Variants in CAP2 observed in about 807,000 individuals in gnomAD.
CAP2 encodes cyclase associated actin cytoskeleton regulatory protein 2, also known as adenylyl cyclase-associated protein 2.
A neutral mutation model predicts 57.7 loss-of-function variants in CAP2; 24 were observed. The observed-to-expected ratio is 0.42, with a 90% confidence interval of 0.30 to 0.58. The LOEUF (loss-of-function observed/expected upper bound fraction) is 0.58. Ranked by LOEUF, CAP2 falls within the 20% of genes least tolerant of loss-of-function variation. The pLI, the probability that CAP2 is intolerant of heterozygous loss-of-function variation, is 0.22. For missense variants in CAP2, 501 were observed against 590.3 expected, an observed-to-expected ratio of 0.85 and a Z score of 1.57; for synonymous variants, 194 against 207.2, an observed-to-expected ratio of 0.94 and a Z score of 0.55.
At chr6:17,438,849 A>C (rs1365243432) in intron 3 of CAP2, among the ~76,000 whole-genome samples, 2 of 149,358 alleles carry the variant, frequency 1.3e-5, no homozygotes, top group African/African-American at 2.5e-5. Context: ...GCGGTGGCTC[A>C]CGCCTATAAT....
In CAP2 at chr6:17,461,191, A is replaced by C. The variant is rs536111564; in HGVS notation, c.223-1805A>C. On this transcript the variant is annotated intron_variant, in intron 3 of 12. Transcript: ENST00000229922. ...AAAAGAAAAACAAACAAAACAACAAAAAAAAAAACCCTGTAATCTTTGAAA... is the reference window on the plus strand; with the variant it reads ...AAAAGAAAAACAAACAAAACAACAACAAAAAAAACCCTGTAATCTTTGAAA... 2.2e-3 allele frequency among the ~76,000 whole-genome samples: 266 copies of C among 118,698 alleles called. 1 individual carries two copies. Among genetic ancestry groups the C allele is most frequent in the South Asian group, 0.014 (66 of 4,696 alleles). 77.9% of individuals were successfully genotyped at this position (118,698 alleles called of 152,430 possible).
At chr6:17,502,475 T>C (rs550944880) in intron 4 of CAP2, among the ~76,000 whole-genome samples, 1 of 152,286 alleles carries the variant, frequency 6.6e-6, no homozygotes, top group South Asian at 2.1e-4. Context: ...ATTAGAGTTG[T>C]GCAAATAGCT....
intron 12 of CAP2, among the ~76,000 whole-genome samples, chr6:17,555,015 C>T (rs189966831): frequency 2.0e-5 from 3 of 152,254 alleles, no homozygotes; most frequent in Admixed American, 1.3e-4. Flanking sequence ...ACCCTAGGCT[C>T]ATTTTTACAA....
At chr6:17,397,671 G>A (rs1352247900) in intron 1 of CAP2, among the ~76,000 whole-genome samples, 3 of 146,996 alleles carry the variant, frequency 2.0e-5, no homozygotes, top group Non-Finnish European at 4.5e-5. Context: ...CTCCAGCCTG[G>A]GCGACAGAGC....
At chr6:17,478,135 C>T (rs1240820368) in intron 4 of CAP2, among the ~76,000 whole-genome samples, 2 of 150,796 alleles carry the variant, frequency 1.3e-5, no homozygotes, top group East Asian at 1.9e-4. Context: ...AATGACCCCT[C>T]GGTTGCTTTT....
intron 3 of CAP2, among the ~76,000 whole-genome samples, chr6:17,458,076 G>A (rs1760624483): frequency 6.6e-6 from 1 of 152,138 alleles, no homozygotes; most frequent in African/African-American, 2.4e-5. Context: ...TGGAAATGTG[G>A]TCATTAGAGA....
chr6:17,535,274 CT>C (rs67286428), intron 7 of CAP2, among the ~76,000 whole-genome samples: 15,015 of 138,572 alleles, frequency 0.11, 818 homozygotes, highest in African/African-American at 0.2. Context: ...TGGCTAATGA[CT>C]TTTTTTTTTT....
chr6:17,487,773 G>GT (rs1404591879), intron 4 of CAP2, among the ~76,000 whole-genome samples: 72 of 151,338 alleles, frequency 4.8e-4, no homozygotes, highest in African/African-American at 1.5e-3. Context: ...ACCTGGCCCA[G>GT]TTTTTTTTGT....
At chr6:17,455,997 C>T (rs1318160838) in intron 3 of CAP2, among the ~76,000 whole-genome samples, 1 of 152,196 alleles carries the variant, frequency 6.6e-6, no homozygotes, top group Non-Finnish European at 1.5e-5. Flanking sequence ...AGTGGATGGC[C>T]TCTGAGCTGT....
At chr6:17,403,235 G>C (rs918802104) in intron 1 of CAP2, among the ~76,000 whole-genome samples, 5 of 152,196 alleles carry the variant, frequency 3.3e-5, no homozygotes, top group African/African-American at 1.2e-4. Context: ...CTGGCTAGCT[G>C]GGACTACAGG....
chr6:17,548,267 T>C (rs899362744), intron 11 of CAP2, among the ~76,000 whole-genome samples: 4 of 151,712 alleles, frequency 2.6e-5, no homozygotes, highest in African/African-American at 9.7e-5. Flanking sequence ...CTCAGGAGGC[T>C]GAGGCCGGAG....
chr6:17,507,144 G>GC (rs1290778801), intron 4 of CAP2, 25 bp from the exon 5 acceptor site: 1 of 1,613,918 alleles, frequency 6.2e-7, no homozygotes, highest in East Asian at 2.2e-5. Context: ...TGTAGTAAAA[G>GC]CCCCCGATGT....
At chr6:17,439,250 C>G (rs985628150) in intron 3 of CAP2, among the ~76,000 whole-genome samples, 4 of 109,796 alleles carry the variant, frequency 3.6e-5, no homozygotes, top group Admixed American at 1.8e-4. Context: ...GGCATGGATC[C>G]AACTGTTTTT....
At chr6:17,432,351 G>C (rs551695562) in intron 3 of CAP2, among the ~76,000 whole-genome samples, 1 of 152,274 alleles carries the variant, frequency 6.6e-6, no homozygotes, top group Non-Finnish European at 1.5e-5. Context: ...ACCACTGTGA[G>C]GCTGACTCAG....
intron 7 of CAP2, among the ~76,000 whole-genome samples, chr6:17,524,783 G>A (rs558376792): frequency 2.0e-4 from 31 of 152,122 alleles, no homozygotes; most frequent in East Asian, 7.7e-4. Context: ...CCATTGCAGC[G>A]AGTCTTCAGT....
intron 12 of CAP2, among the ~76,000 whole-genome samples, chr6:17,553,057 A>T (rs1763207069): frequency 6.6e-6 from 1 of 152,192 alleles, no homozygotes; most frequent in South Asian, 2.1e-4. Context: ...TGAAGAGCTG[A>T]TGCCAACAGC....
chr6:17,529,322 AG>A (rs1243296470), intron 7 of CAP2, among the ~76,000 whole-genome samples: 2 of 152,202 alleles, frequency 1.3e-5, no homozygotes, highest in East Asian at 3.9e-4. Context: ...TAAAATAGAA[AG>A]AAATTAGTTT....
intron 7 of CAP2, chr6:17,536,310 T>C (rs1202959511): frequency 4.4e-6 from 2 of 456,716 alleles, no homozygotes; most frequent in Non-Finnish European, 8.8e-6. Flanking sequence ...GAAGGGAACA[T>C]CTAATCAGTT....
chr6:17,442,139 A>G (rs1358903333), intron 3 of CAP2, among the ~76,000 whole-genome samples: 3 of 152,160 alleles, frequency 2.0e-5, no homozygotes, highest in East Asian at 1.9e-4. Flanking sequence ...AAGTCAGGCA[A>G]AGCTGAATCC....
Sources: gnomAD v4.1 joint callset for allele counts (sites outside exome capture counted in the v4.1 genomes callset) on GRCh38, gnomAD v4.1.1 for gene constraint, MANE v1.5 for transcripts, NCBI Gene and HGNC (gene_info 2026-07-23, HGNC 2026-07-21) for gene names.